EXOC6B: variants seen among roughly 807,000 people sequenced by gnomAD.
EXOC6B encodes exocyst complex component 6B, also known as SEC15 homolog B.
Under a neutral mutation model 113.5 loss-of-function variants are expected in EXOC6B, and 54 were observed. The observed-to-expected ratio is 0.48, with a 90% CI of 0.38 to 0.60. EXOC6B has a LOEUF of 0.60. EXOC6B is among the 20% of genes least tolerant of loss of function. The pLI is 0.00. For synonymous variants in EXOC6B, 357 were observed against 339.0 expected, an observed-to-expected ratio of 1.05 and a Z score of -0.58; for missense variants, 797 against 977.5, an observed-to-expected ratio of 0.82 and a Z score of 2.46.
At chr2:72,652,095 A>G (rs1218070119) in intron 6 of EXOC6B, among the ~76,000 whole-genome samples, 1 of 152,088 alleles carries the variant, frequency 6.6e-6, no homozygotes. Flanking sequence ...TTACTTTCCT[A>G]AATTTCTATA....
intron 18 of EXOC6B, among the ~76,000 whole-genome samples, chr2:72,398,914 A>C (rs1692943857): frequency 6.6e-6 from 1 of 152,076 alleles, no homozygotes. Flanking sequence ...TCAATGTAAG[A>C]AAAACATAAA....
intron 16 of EXOC6B, among the ~76,000 whole-genome samples, chr2:72,490,803 T>TA (rs756431226): frequency 1.3e-5 from 2 of 152,182 alleles, no homozygotes; most frequent in Non-Finnish European, 2.9e-5. Flanking sequence ...GCTGAGAAGT[T>TA]ACGCCTTTCT....
intron 20 of EXOC6B, among the ~76,000 whole-genome samples, chr2:72,269,752 C>G (rs994997015): frequency 1.3e-5 from 2 of 152,126 alleles, no homozygotes; most frequent in Non-Finnish European, 2.9e-5. Context: ...TTAGTGTCTT[C>G]ATCTATAAAA....
At chr2:72,395,173 G>T (rs994341681) in intron 18 of EXOC6B, among the ~76,000 whole-genome samples, 8 of 152,028 alleles carry the variant, frequency 5.3e-5, no homozygotes, top group African/African-American at 1.7e-4. Context: ...AAGCTTCCAG[G>T]AAAACCTCTA....
chr2:72,492,352 T>G lies in EXOC6B; in HGVS notation c.1631A>C (p.Asn544Thr), dbSNP rs773506192. Reference sequence around the variant, plus strand: ...CCCAATATTCTTCCTTTTAATTACATTCTGCAGAGAGTTGCTCAGAGTCCT... The same window carrying G: ...CCCAATATTCTTCCTTTTAATTACAGTCTGCAGAGAGTTGCTCAGAGTCCT... ...LTRTLSNSLQ[N>T]VIKRKNIGLT... is the part of the protein sequence containing the mutation. Residue 544 changes from asparagine to threonine, a missense_variant, in exon 16 of 22, where the codon AAT becomes ACT. Physicochemically the swap from Asn to Thr is moderately conservative, Grantham distance 65. Transcript: ENST00000272427. The G allele has an allele frequency of 1.2e-6, 2 of 1,612,686 alleles. No homozygotes were observed. Among genetic ancestry groups the G allele is most frequent in the Non-Finnish European group, 1.7e-6 (2 of 1,178,940 alleles).
chr2:72,440,973 C>A (rs962779374), intron 18 of EXOC6B, among the ~76,000 whole-genome samples: 2 of 151,650 alleles, frequency 1.3e-5, no homozygotes, highest in Non-Finnish European at 2.9e-5. Context: ...ATATTTTCAC[C>A]CTTTATCATC....
intron 21 of EXOC6B, among the ~76,000 whole-genome samples, chr2:72,181,959 A>G (rs543965840): frequency 2.6e-5 from 4 of 152,276 alleles, no homozygotes; most frequent in East Asian, 3.9e-4. Flanking sequence ...TTTTCCCTCA[A>G]TGTCTTTAGC....
At chr2:72,758,096 G>A (rs542027375) in intron 1 of EXOC6B, among the ~76,000 whole-genome samples, 8 of 150,134 alleles carry the variant, frequency 5.3e-5, no homozygotes, top group Admixed American at 6.7e-5. Flanking sequence ...CTTACAGGTC[G>A]AGGCTGCAGT....
At chr2:72,307,216 C>T (rs997446307) in intron 20 of EXOC6B, among the ~76,000 whole-genome samples, 8 of 147,146 alleles carry the variant, frequency 5.4e-5, no homozygotes, top group African/African-American at 2.1e-4. Flanking sequence ...AGTGCAGTGG[C>T]GCAATCTCGG....
intron 20 of EXOC6B, among the ~76,000 whole-genome samples, chr2:72,260,882 T>C (rs1015816543): frequency 1.3e-5 from 2 of 152,220 alleles, no homozygotes; most frequent in Non-Finnish European, 2.9e-5. Flanking sequence ...TTTAGAAATA[T>C]GAAAGTTACT....
chr2:72,483,087 C>T (rs959590528), intron 16 of EXOC6B, among the ~76,000 whole-genome samples: 1 of 152,162 alleles, frequency 6.6e-6, no homozygotes, highest in Non-Finnish European at 1.5e-5. Flanking sequence ...AAACAAACAA[C>T]CTTTTAACTT....
intron 6 of EXOC6B, among the ~76,000 whole-genome samples, chr2:72,610,375 G>C (rs1207246599): frequency 6.6e-6 from 1 of 152,162 alleles, no homozygotes; most frequent in Admixed American, 6.5e-5. Flanking sequence ...GTAGAACCAA[G>C]TACTCCCAGC....
chr2:72,297,860 T>A (rs1686238278), intron 20 of EXOC6B, among the ~76,000 whole-genome samples: 1 of 152,076 alleles, frequency 6.6e-6, no homozygotes, highest in Non-Finnish European at 1.5e-5. Flanking sequence ...TGAGAGACTG[T>A]TTATGATTTC....
intron 18 of EXOC6B, among the ~76,000 whole-genome samples, chr2:72,457,155 A>G (rs1036554596): frequency 3.9e-5 from 6 of 152,122 alleles, no homozygotes; most frequent in African/African-American, 1.4e-4. Context: ...AGGTCCCATT[A>G]TGAAAAGTCT....
At chr2:72,522,438 G>C (rs772004441) in intron 8 of EXOC6B, among the ~76,000 whole-genome samples, 1 of 151,618 alleles carries the variant, frequency 6.6e-6, no homozygotes, top group Non-Finnish European at 1.5e-5. Context: ...TTAACCTTTT[G>C]TTTATAGCTG....
intron 1 of EXOC6B, among the ~76,000 whole-genome samples, chr2:72,796,175 G>C (rs1684932132): frequency 6.6e-6 from 1 of 151,196 alleles, no homozygotes; most frequent in East Asian, 2.0e-4. Context: ...CAGAGAGGCT[G>C]GGTGCGGTGG....
intron 8 of EXOC6B, among the ~76,000 whole-genome samples, chr2:72,554,329 G>A (rs1332493160): frequency 1.3e-5 from 2 of 152,150 alleles, no homozygotes; most frequent in Non-Finnish European, 2.9e-5. Flanking sequence ...AAAAGTGGGG[G>A]ATCAAGATCC....
At chr2:72,753,068 A>G (rs1361874748) in intron 1 of EXOC6B, among the ~76,000 whole-genome samples, 1 of 152,044 alleles carries the variant, frequency 6.6e-6, no homozygotes, top group Non-Finnish European at 1.5e-5. Flanking sequence ...TATCTCTGTC[A>G]AGTCCTATAA....
chr2:72,707,257 C>T (rs1026035629), intron 6 of EXOC6B, among the ~76,000 whole-genome samples: 27 of 152,146 alleles, frequency 1.8e-4, no homozygotes, highest in Non-Finnish European at 4.0e-4. Context: ...AAATTTAATT[C>T]AAATGCACCT....
Sources: gnomAD v4.1 joint callset for allele counts (sites outside exome capture counted in the v4.1 genomes callset) on GRCh38, gnomAD v4.1.1 for gene constraint, MANE v1.5 for transcripts, NCBI Gene and HGNC (gene_info 2026-07-23, HGNC 2026-07-21) for gene names.